Variants in PEX11G observed in about 807,000 individuals in gnomAD.
PEX11G encodes peroxisomal biogenesis factor 11 gamma, also known as peroxisomal membrane protein 11C.
PEX11G carries 20 observed loss-of-function variants against 22.5 expected under a neutral mutation model. The ratio of observed to expected loss-of-function variants is 0.89; its 90% confidence interval spans 0.62 to 1.29. The LOEUF (loss-of-function observed/expected upper bound fraction) is 1.29, where lower values mean the gene tolerates loss of function less well. Ranked by LOEUF, PEX11G falls within the 50% of genes most tolerant of loss-of-function variation. PEX11G has a pLI of 0.00. For missense variants in PEX11G, 347 were observed against 331.3 expected (o/e 1.05, Z -0.37); for synonymous variants, 141 against 154.5 (o/e 0.91, Z 0.65).
At position 7,477,241 on chromosome 19, in the gene PEX11G, C is replaced by A; in HGVS notation, c.687G>T (p.Ala229=). The change falls in exon 5 of 5, where the codon GCG becomes GCT. Residue 229 remains alanine (A), a synonymous_variant. Transcript: ENST00000221480. The stretch of plus-strand genomic sequence containing the variant: ...CCTCGGCCTGGCCGCCGGCCCGGGC[C>A]GCCTGGTACATGCTGAGGATTGAGG... ...TISSILSMYQ[A]ARAGGQAEAT... is the part of the protein sequence containing the mutation. 6.4e-7 allele frequency: 1 copy of A among 1,550,814 alleles called. No individual in the cohort carries two copies. The highest frequency in any genetic ancestry group is 8.7e-7 in the Non-Finnish European group (1 of 1,152,980).
chr19:7,488,835 C>CG, intron 1 of PEX11G, 116 bp downstream of exon 1: 1 of 1,060,584 alleles, frequency 9.4e-7, no homozygotes, highest in East Asian at 2.6e-5. Flanking sequence ...CTAGCTCGGA[C>CG]GGGGCCTCTG....
intron 4 of PEX11G, 27 bp from the exon 5 acceptor site, chr19:7,477,463 A>C: frequency 7.2e-7 from 1 of 1,391,724 alleles, no homozygotes; most frequent in East Asian, 2.8e-5. Context: ...GGCCGCTTAC[A>C]CTCACGCTCA....
Position 7,477,439 on chromosome 19 carries a change from G to T in PEX11G, c.492-3C>A, listed in dbSNP as rs760670889. On this transcript the variant is annotated splice_region_variant and splice_polypyrimidine_tract_variant and intron_variant, in intron 4 of 4. Coordinates refer to ENST00000221480, the MANE Select transcript of PEX11G (RefSeq NM_080662.4). ...TCCGCTTGCCCCGGGGCAGCGGGCT[G>T]TGGGGCAGAGAGGGGCCGCTTACAC... The T allele has an allele frequency of 1.5e-4, 215 of 1,432,272 alleles. No individual in the cohort carries two copies. The highest frequency in any genetic ancestry group is 1.9e-4 in the Non-Finnish European group (212 of 1,097,114). 88.7% of individuals were successfully genotyped at this position (1,432,272 alleles called of 1,614,324 possible).
chr19:7,484,156 G>A (rs1278771149), intron 2 of PEX11G, among the ~76,000 whole-genome samples: 2 of 151,608 alleles, frequency 1.3e-5, no homozygotes, highest in African/African-American at 2.4e-5. Context: ...GGAGTTCAAG[G>A]CCAGCCTGGG....
intron 1 of PEX11G, among the ~76,000 whole-genome samples, 188 bp downstream of exon 1, chr19:7,488,763 C>T (rs554530417): frequency 4.3e-4 from 65 of 152,358 alleles, no homozygotes; most frequent in Middle Eastern, 6.8e-3. Context: ...GATCGCACCA[C>T]TGCACTCCAG....
intron 4 of PEX11G, 143 bp downstream of exon 4, chr19:7,478,171 C>T (rs150971864): frequency 4.7e-6 from 4 of 842,774 alleles, no homozygotes; most frequent in Non-Finnish European, 7.4e-6. Context: ...AAGGTACCGC[C>T]ACCCACCAGA....
Position 7,488,972 on chromosome 19 carries a change from C to T in PEX11G, c.39G>A (p.Ser13=). 6.4e-7 allele frequency: 1 copy of T among 1,554,678 alleles called. No homozygotes were observed. The highest frequency in any genetic ancestry group is 8.7e-7 in the Non-Finnish European group (1 of 1,151,848). ...SLSGLASALE[S]YRGRDRLIRV... Reference sequence around the variant, plus strand: ...TCACCAGGCGGTCCCGGCCCCTGTACGACTCCAGCGCCGACGCCAGGCCGC... The same window carrying T: ...TCACCAGGCGGTCCCGGCCCCTGTATGACTCCAGCGCCGACGCCAGGCCGC... The change falls in exon 1 of 5, where the codon TCG becomes TCA. Residue 13 remains serine (S), a synonymous_variant. Coordinates refer to ENST00000221480, the MANE Select transcript of PEX11G (RefSeq NM_080662.4).
At chr19:7,481,703 C>G (rs1238168043) in intron 3 of PEX11G, among the ~76,000 whole-genome samples, 3 of 152,132 alleles carry the variant, frequency 2.0e-5, no homozygotes, top group Non-Finnish European at 4.4e-5. Context: ...GCTGGAAAAT[C>G]CAAGGAAACG....
intron 2 of PEX11G, 100 bp from the exon 3 acceptor site, chr19:7,482,311 C>T (rs1977533876): frequency 7.4e-7 from 1 of 1,350,450 alleles, no homozygotes; most frequent in African/African-American, 1.5e-5. Flanking sequence ...TTCCTGACCC[C>T]AGTCCCTGGG....
chr19:7,491,708 G>A (rs1011521238), upstream of PEX11G, among the ~76,000 whole-genome samples: 3 of 151,894 alleles, frequency 2.0e-5, no homozygotes, highest in Non-Finnish European at 2.9e-5. Context: ...GCTGGAGTGC[G>A]GTGGTGTGAT....
chr19:7,489,317 C>G, upstream of PEX11G: 12 of 1,160,914 alleles, frequency 1.0e-5, no homozygotes, highest in Non-Finnish European at 1.3e-5. Flanking sequence ...TACCCACACG[C>G]TCCAAAAATA....
intron 1 of PEX11G, among the ~76,000 whole-genome samples, chr19:7,488,709 G>A (rs2021773696): frequency 6.6e-6 from 1 of 152,258 alleles, no homozygotes; most frequent in African/African-American, 2.4e-5. Flanking sequence ...TGCTGAGGCA[G>A]GAGAATCGCT....
intron 1 of PEX11G, among the ~76,000 whole-genome samples, chr19:7,486,533 G>A (rs1198472823): frequency 2.0e-5 from 3 of 152,208 alleles, no homozygotes; most frequent in Non-Finnish European, 4.4e-5. Flanking sequence ...AAACCGAGGT[G>A]AGAGGATGCC....
chr19:7,484,991 A>C (rs2021570716), intron 2 of PEX11G, among the ~76,000 whole-genome samples: 1 of 152,178 alleles, frequency 6.6e-6, no homozygotes, highest in Admixed American at 6.5e-5. Context: ...CGCAGGGAGC[A>C]CTTTGGGACA....
upstream of PEX11G, chr19:7,489,119 C>T (rs1192659224): frequency 1.5e-6 from 2 of 1,298,986 alleles, no homozygotes; most frequent in Non-Finnish European, 9.9e-7. Flanking sequence ...GGCCGCAGGC[C>T]TTTGTCCCCC....
intron 4 of PEX11G, among the ~76,000 whole-genome samples, chr19:7,478,050 C>T (rs114197818): frequency 0.017 from 2,522 of 152,312 alleles, 76 homozygotes; most frequent in African/African-American, 0.057. Context: ...GCAACAGTAA[C>T]AATGGCCATG....
chr19:7,485,363 G>GT (rs938059113), intron 2 of PEX11G, among the ~76,000 whole-genome samples: 45 of 144,952 alleles, frequency 3.1e-4, no homozygotes, highest in East Asian at 6.0e-4. Flanking sequence ...TAGAGACAGG[G>GT]TTTTTTTTTT....
chr19:7,480,501 C>G (rs1977441620), intron 3 of PEX11G, among the ~76,000 whole-genome samples: 1 of 152,192 alleles, frequency 6.6e-6, no homozygotes, highest in Non-Finnish European at 1.5e-5. Context: ...AAACATGACC[C>G]TTTTGAGACA....
At chr19:7,486,110 G>A (rs751091580) in intron 1 of PEX11G, 84 bp from the exon 2 acceptor site, 57 of 1,205,124 alleles carry the variant, frequency 4.7e-5, no homozygotes, top group Non-Finnish European at 5.9e-5. Flanking sequence ...CCCGGGCCCC[G>A]CTGGATTGAG....
Sources: gnomAD v4.1 joint callset for allele counts (sites outside exome capture counted in the v4.1 genomes callset) on GRCh38, gnomAD v4.1.1 for gene constraint, MANE v1.5 for transcripts, NCBI Gene and HGNC (gene_info 2026-07-23, HGNC 2026-07-21) for gene names.